The following SCAND3 variants were observed in gnomAD, a reference collection of about 807,000 sequenced individuals.
SCAND3 encodes SCAN domain containing 3.
the SCAND3 span, chr6:28,575,783 A>G: frequency 1.2e-6 from 2 of 1,614,142 alleles, no homozygotes; most frequent in Non-Finnish European, 1.7e-6. This position sits in a 1 kb window ranked among gnomAD's most constrained non-coding sequence, Gnocchi z 4.2. Flanking sequence ...AGAATGTCAA[A>G]TAAGTCCTCA....
chr6:28,606,816 G>A, the SCAND3 span, among the ~76,000 whole-genome samples: 7 of 152,178 alleles, frequency 4.6e-5, no homozygotes, highest in Non-Finnish European at 1.0e-4. Flanking sequence ...CTCGGTAGGC[G>A]AGGATCCCCT....
At chr6:28,608,166 T>C in the SCAND3 span, among the ~76,000 whole-genome samples, 1 of 152,224 alleles carries the variant, frequency 6.6e-6, no homozygotes, top group African/African-American at 2.4e-5. Context: ...GTTAAAGATA[T>C]GCTATTTGAG....
chr6:28,601,814 C>T, the SCAND3 span, among the ~76,000 whole-genome samples: 1 of 152,182 alleles, frequency 6.6e-6, no homozygotes, highest in Non-Finnish European at 1.5e-5. Context: ...TCACTGCGCC[C>T]AGGCAGAATT....
chr6:28,571,740 A>C, the SCAND3 span: 38 of 617,200 alleles, frequency 6.2e-5, 1 homozygote, highest in South Asian at 8.1e-4. Context: ...TTCTTAATTG[A>C]AAATATACAT....
At chr6:28,599,276 C>T in the SCAND3 span, among the ~76,000 whole-genome samples, 2 of 152,132 alleles carry the variant, frequency 1.3e-5, no homozygotes, top group African/African-American at 2.4e-5. Flanking sequence ...AATGAAAACC[C>T]CAGTGAGATA....
chr6:28,589,738 A>G, the SCAND3 span: 3 of 152,288 alleles, frequency 2.0e-5, no homozygotes, highest in South Asian at 6.2e-4. Flanking sequence ...TGATGGAGAC[A>G]AACGCTTCCT....
At chr6:28,592,206 T>A in the SCAND3 span, among the ~76,000 whole-genome samples, 1 of 152,186 alleles carries the variant, frequency 6.6e-6, no homozygotes, top group Non-Finnish European at 1.5e-5. This position sits in a 1 kb window ranked among gnomAD's most constrained non-coding sequence, Gnocchi z 4.1. Context: ...CTAAAGATGT[T>A]ACAGAAAAGT....
chr6:28,580,804 C>T, the SCAND3 span, among the ~76,000 whole-genome samples: 1 of 126,884 alleles, frequency 7.9e-6, no homozygotes, highest in Non-Finnish European at 1.6e-5. Flanking sequence ...ACCCCCCCAC[C>T]CCCCCAAGCA....
At chr6:28,612,029 CTTGTTTTTTTG>C in the SCAND3 span, among the ~76,000 whole-genome samples, 2 of 151,468 alleles carry the variant, frequency 1.3e-5, no homozygotes, top group African/African-American at 2.4e-5. Flanking sequence ...TGGGGTTTTT[CTTGTTTTTTTG>C]TTGTTTTTTT....
At chr6:28,574,721 T>C in the SCAND3 span, 1 of 1,614,160 alleles carries the variant, frequency 6.2e-7, no homozygotes, top group Non-Finnish European at 8.5e-7. Context: ...GGCAAACTTC[T>C]TTGAATCTCA....
At chr6:28,597,690 A>C in the SCAND3 span, 3 of 93,856 alleles carry the variant, frequency 3.2e-5, no homozygotes, top group East Asian at 7.2e-4. Flanking sequence ...ACTGGAATGC[A>C]TGGGACATAG....
chr6:28,605,494 C>T, the SCAND3 span, among the ~76,000 whole-genome samples: 7 of 151,874 alleles, frequency 4.6e-5, no homozygotes, highest in African/African-American at 1.7e-4. Context: ...ATATCCTGAG[C>T]CTAGTCATGC....
chr6:28,572,851 G>A, the SCAND3 span: 1 of 1,613,694 alleles, frequency 6.2e-7, no homozygotes, highest in South Asian at 1.1e-5. This position sits in a 1 kb window ranked among gnomAD's most constrained non-coding sequence, Gnocchi z 4.1. Context: ...ATTTAGTTCA[G>A]CTGATATTTT....
chr6:28,586,775 T>C, the SCAND3 span: 11 of 1,442,874 alleles, frequency 7.6e-6, no homozygotes, highest in African/African-American at 1.4e-5. This position sits in a 1 kb window ranked among gnomAD's most constrained non-coding sequence, Gnocchi z 4.4. Context: ...GGCAAATGGG[T>C]GATTTTACTT....
chr6:28,589,392 A>G, the SCAND3 span: 2 of 152,082 alleles, frequency 1.3e-5, no homozygotes, highest in Non-Finnish European at 2.9e-5. Flanking sequence ...CCCATGGTGT[A>G]ATGGTTAGCA....
the SCAND3 span, among the ~76,000 whole-genome samples, chr6:28,607,202 C>T: frequency 6.6e-6 from 1 of 152,136 alleles, no homozygotes; most frequent in Non-Finnish European, 1.5e-5. Context: ...TGTACGAGGT[C>T]CCGGGTTCAA....
chr6:28,588,579 C>T, the SCAND3 span, among the ~76,000 whole-genome samples: 1 of 152,118 alleles, frequency 6.6e-6, no homozygotes, highest in Non-Finnish European at 1.5e-5. This position sits in a 1 kb window ranked among gnomAD's most constrained non-coding sequence, Gnocchi z 4.1. Flanking sequence ...TTGTATGTAC[C>T]TCCAACCTAT....
At chr6:28,614,742 G>A in the SCAND3 span, among the ~76,000 whole-genome samples, 1 of 152,204 alleles carries the variant, frequency 6.6e-6, no homozygotes, top group Non-Finnish European at 1.5e-5. Context: ...TGGGATTACA[G>A]GTGTGAGCCA....
chr6:28,585,184 A>C, the SCAND3 span: 5 of 152,192 alleles, frequency 3.3e-5, no homozygotes, highest in African/African-American at 1.2e-4. Context: ...TTCTTTCAAA[A>C]CACTGTATAG....
Sources: gnomAD v4.1 joint callset for allele counts (sites outside exome capture counted in the v4.1 genomes callset) on GRCh38, gnomAD v4.1.1 for gene constraint, Gnocchi (gnomAD v3.1) non-coding constraint, MANE v1.5 for transcripts, NCBI Gene and HGNC (gene_info 2026-07-23, HGNC 2026-07-21) for gene names.